Variants in DDX11 observed in about 807,000 individuals in gnomAD.
DDX11 encodes the protein DEAD/H-box helicase 11.
DDX11 carries 72 observed loss-of-function variants against 125.2 expected under a neutral mutation model. That is an observed-to-expected ratio of 0.58 (90% confidence interval 0.48 to 0.70). The LOEUF is 0.70. Among genes scored for constraint, DDX11 ranks in the 30% least tolerant of loss-of-function variants. The pLI, the probability that DDX11 is intolerant of heterozygous loss-of-function variation, is 0.00. For synonymous variants in DDX11, 347 were observed against 452.6 expected, an observed-to-expected ratio of 0.77 and a Z score of 2.96; for missense variants, 883 against 1,165.0, an observed-to-expected ratio of 0.76 and a Z score of 3.52.
At chr12:31,102,786 C>G (rs1946618928) in intron 23 of DDX11, 150 bp from the exon 24 acceptor site, 5 of 772,304 alleles carry the variant, frequency 6.5e-6, no homozygotes, top group Non-Finnish European at 6.7e-6. Context: ...CAAGCCCTCT[C>G]CAGGTGGTAG....
intron 1 of DDX11, chr12:31,077,844 GA>G (rs368776702): frequency 0.01 from 1,782 of 172,848 alleles, no homozygotes; most frequent in South Asian, 0.024. Flanking sequence ...ACTCTGTCTC[GA>G]AAAAAAAAAA....
In DDX11 at chr12:31,101,824, C is replaced by T. The variant is rs1240041691; in HGVS notation, c.2053-9C>T. On this transcript the variant is annotated splice_polypyrimidine_tract_variant and intron_variant, in intron 20 of 26. Coordinates refer to ENST00000542838, the MANE Select transcript of DDX11 (RefSeq NM_030653.4). ...GGGGGCTCCCTCCCTCCCTCCTTTC[C>T]TTCCTTAGATGGACGAGGTGGGTCG... The T allele has an allele frequency of 1.9e-6, 3 of 1,613,960 alleles. No homozygotes were observed. The highest frequency in any genetic ancestry group is 2.2e-5 in the East Asian group (1 of 44,878).
At chr12:31,080,891 T>G (rs1157443432) in intron 2 of DDX11, among the ~76,000 whole-genome samples, 1 of 152,208 alleles carries the variant, frequency 6.6e-6, no homozygotes, top group Non-Finnish European at 1.5e-5. Context: ...ACTACAGGTG[T>G]GCACCATCAC....
At chr12:31,089,251 G>A in intron 7 of DDX11, 100 bp downstream of exon 7, 1 of 1,377,338 alleles carries the variant, frequency 7.3e-7, no homozygotes, top group African/African-American at 1.4e-5. Flanking sequence ...GTCTGTGACA[G>A]GCTGAACCGT....
chr12:31,102,105 C>G, intron 21 of DDX11, 123 bp downstream of exon 21: 1 of 1,310,550 alleles, frequency 7.6e-7, no homozygotes, highest in Non-Finnish European at 1.1e-6. Flanking sequence ...CTCCCAGTCC[C>G]TGACTACAGA....
intron 12 of DDX11, 158 bp from the exon 13 acceptor site, chr12:31,094,432 T>G: frequency 1.5e-6 from 2 of 1,369,132 alleles, no homozygotes; most frequent in South Asian, 2.6e-5. Flanking sequence ...GCCCTCTCAG[T>G]GGGTCCGTTG....
Position 31,074,065 on chromosome 12 carries a change from T to G in DDX11, c.-31T>G, listed in dbSNP as rs1193715517. On this transcript the variant is annotated 5_prime_UTR_variant, in exon 1 of 27. Transcript: ENST00000542838. Reference sequence around the variant, plus strand: ...GTGAAATCGCAAACTGGGCGTCTGTTCCGGCGCCGGACCCCTATTTGCAAA... The same window carrying G: ...GTGAAATCGCAAACTGGGCGTCTGTGCCGGCGCCGGACCCCTATTTGCAAA... 1 of 152,238 alleles carries G rather than the reference T, an allele frequency of 6.6e-6. No homozygotes were observed. The highest frequency in any genetic ancestry group is 1.5e-5 in the Non-Finnish European group (1 of 68,070). 9.4% of individuals were successfully genotyped at this position (152,238 alleles called of 1,614,324 possible). A position where few individuals can be genotyped will look rare whatever the true frequency, so the allele number is the denominator to read the frequency against.
intron 20 of DDX11, chr12:31,101,457 G>A (rs1431252651): frequency 1.2e-5 from 6 of 503,860 alleles, no homozygotes; most frequent in Non-Finnish European, 2.2e-5. Context: ...GCCGGGGGTA[G>A]GGATGTGGGG....
intron 5 of DDX11, chr12:31,086,266 C>T: frequency 2.3e-6 from 1 of 426,472 alleles, no homozygotes; most frequent in Non-Finnish European, 4.7e-6. Context: ...CATGCACCTG[C>T]TTGTGCTTCT....
In DDX11 at chr12:31,096,935, C is replaced by T. The variant is rs773809963; in HGVS notation, c.1707C>T (p.Phe569=). The T allele has an allele frequency of 5.0e-6, 8 of 1,614,132 alleles. No homozygotes were observed. In the South Asian group the frequency reaches 8.8e-5, roughly 18 times the overall value. The part of the protein sequence containing the change: ...PASPLMHIQG[F]LAALTTANQD... ...CTCCACTGATGCACATCCAAGGCTT[C>T]CTGGCAGCTCTCACTACGGCCAACC... The change falls in exon 17 of 27, where the codon TTC becomes TTT. Residue 569 remains phenylalanine, a synonymous_variant. Transcript: ENST00000542838.
intron 9 of DDX11, among the ~76,000 whole-genome samples, chr12:31,090,389 G>A (rs1201925332): frequency 1.3e-5 from 2 of 150,528 alleles, no homozygotes; most frequent in African/African-American, 2.5e-5. Context: ...TGAGAAGAGT[G>A]TGCTGCATAC....
At chr12:31,100,602 A>T in intron 18 of DDX11, 33 bp from the exon 19 acceptor site, 1 of 1,549,282 alleles carries the variant, frequency 6.5e-7, no homozygotes, top group South Asian at 1.2e-5. Flanking sequence ...CTGAGGGGTC[A>T]TGGGGCCGTG....
intron 20 of DDX11, chr12:31,101,449 C>A: frequency 2.0e-6 from 1 of 506,740 alleles, no homozygotes; most frequent in East Asian, 3.8e-5. Flanking sequence ...CTGCCCCTGC[C>A]GGGGGTAGGG....
At chr12:31,079,223 A>G (rs988996399) in intron 2 of DDX11, among the ~76,000 whole-genome samples, 9 of 151,698 alleles carry the variant, frequency 5.9e-5, no homozygotes, top group African/African-American at 2.2e-4. Flanking sequence ...TCTAGTTAAT[A>G]ATTGCCCTTT....
Position 31,096,930 on chromosome 12 carries a change from G to A in DDX11, c.1702G>A (p.Gly568Ser), listed in dbSNP as rs145344014. ...RPASPLMHIQGFLAALTTANQ... is the reference protein window; with the variant it reads ...RPASPLMHIQSFLAALTTANQ... ...AGCTTCTCCACTGATGCACATCCAA[G>A]GCTTCCTGGCAGCTCTCACTACGGC... The change falls in exon 17 of 27, where the codon GGC (glycine) becomes AGC (serine). Residue 568 changes from glycine (G) to serine (S), a missense_variant. Gly to Ser is a moderately conservative substitution (Grantham distance 56). Around this residue, in one of 5 missense-constraint regions of DDX11, gnomAD observed 241 missense variants for 279.7 expected, o/e 0.86. Coordinates refer to ENST00000542838, the MANE Select transcript of DDX11 (RefSeq NM_030653.4). The A allele has an allele frequency of 6.4e-5, 104 of 1,614,014 alleles. No individual in the cohort carries two copies. Among genetic ancestry groups the A allele is most frequent in the Non-Finnish European group, 8.6e-5 (101 of 1,180,034 alleles).
At chr12:31,085,981 A>G (rs1401023846) in intron 5 of DDX11, 3 of 453,486 alleles carry the variant, frequency 6.6e-6, no homozygotes, top group South Asian at 1.6e-5. Flanking sequence ...CCCTCCATGG[A>G]TATTCCTGAA....
At chr12:31,098,875 C>T (rs561224024) in intron 18 of DDX11, among the ~76,000 whole-genome samples, 16 of 152,150 alleles carry the variant, frequency 1.1e-4, no homozygotes, top group East Asian at 3.9e-4. Context: ...TCCAGCACAG[C>T]AGAATGTCAT....
At chr12:31,084,172 G>GCCTCTCAGCTCTTC (rs1942585375) in intron 3 of DDX11, 111 bp downstream of exon 3, 2 of 1,443,466 alleles carry the variant, frequency 1.4e-6, no homozygotes, top group African/African-American at 2.8e-5. Context: ...CCGTTGCCGT[G>GCCTCTCAGCTCTTC]CCTCTCAGCT....
rs1335511740 is a variant in DDX11, at chr12:31,074,078, C to T, written c.-18C>T. ...CTGGGCGTCTGTTCCGGCGCCGGACCCCTATTTGCAAAGGTGGGTGGCCCG... is the reference window on the plus strand; with the variant it reads ...CTGGGCGTCTGTTCCGGCGCCGGACTCCTATTTGCAAAGGTGGGTGGCCCG... On this transcript the variant is annotated 5_prime_UTR_variant, in exon 1 of 27. Transcript: ENST00000542838. 1 of 152,244 alleles carries T rather than the reference C, an allele frequency of 6.6e-6. No homozygotes were observed. Among genetic ancestry groups the T allele is most frequent in the Non-Finnish European group, 1.5e-5 (1 of 68,068 alleles). 9.4% of individuals were successfully genotyped at this position (152,244 alleles called of 1,614,324 possible).
Sources: gnomAD v4.1 joint callset for allele counts (sites outside exome capture counted in the v4.1 genomes callset) on GRCh38, gnomAD v4.1.1 for gene constraint, gnomAD v4.1.1 regional missense constraint, MANE v1.5 for transcripts, NCBI Gene and HGNC (gene_info 2026-07-23, HGNC 2026-07-21) for gene names.